The following EYS variants were observed in gnomAD, a reference collection of about 807,000 sequenced individuals.
EYS encodes protein eyes shut homolog.
Under a neutral mutation model 282.1 loss-of-function variants are expected in EYS, and 250 were observed. The ratio of observed to expected loss-of-function variants is 0.89; its 90% CI spans 0.80 to 0.98. EYS has a LOEUF of 0.98. Among genes scored for constraint, EYS ranks in the 50% least tolerant of loss-of-function variants. EYS has a pLI of 0.00. For missense variants in EYS, 4,016 were observed against 3,709.0 expected, an observed-to-expected ratio of 1.08 and a Z score of -2.15; for synonymous variants, 1,355 against 1,282.9, an observed-to-expected ratio of 1.06 and a Z score of -1.20.
At chr6:64,517,770 AT>A (rs570415807) in intron 26 of EYS, among the ~76,000 whole-genome samples, 266 of 152,044 alleles carry the variant, frequency 1.7e-3, no homozygotes, top group African/African-American at 6.2e-3. Flanking sequence ...TCTAGCACAC[AT>A]GTTCTTCTAA....
intron 2 of EYS, among the ~76,000 whole-genome samples, chr6:65,571,757 A>T (rs1367650123): frequency 6.6e-6 from 1 of 152,072 alleles, no homozygotes; most frequent in Non-Finnish European, 1.5e-5. Flanking sequence ...CTATATAGAA[A>T]GCTTTTATAA....
chr6:64,583,422 G>A (rs1554182861), intron 26 of EYS, among the ~76,000 whole-genome samples: 1 of 151,994 alleles, frequency 6.6e-6, no homozygotes, highest in Non-Finnish European at 1.5e-5. Context: ...AAGCAAGCAG[G>A]CAAACAAACA....
chr6:65,575,581 T>C (rs1279092668), intron 2 of EYS, among the ~76,000 whole-genome samples: 1 of 151,622 alleles, frequency 6.6e-6, no homozygotes, highest in Non-Finnish European at 1.5e-5. Flanking sequence ...GCATGAATGA[T>C]ATAATAAAGA....
In EYS at chr6:65,224,195, A is replaced by T. The variant is rs180784694; in HGVS notation, c.2023+71668T>A. Among the ~76,000 whole-genome samples, 367 of 152,350 alleles carry T rather than the reference A, an allele frequency of 2.4e-3. 2 individuals are homozygous for T. The highest frequency in any genetic ancestry group is 4.1e-3 in the Non-Finnish European group (281 of 68,034). ...CCACAGCAGTCTCAAAATATTAAAA[A>T]AATTGAAGTCATACAAACTATCTTT... is the stretch of plus-strand genomic sequence containing the variant. On this transcript the variant is annotated intron_variant, in intron 12 of 42. Transcript: ENST00000503581.
At chr6:63,831,669 T>G (rs1771642540) in intron 36 of EYS, among the ~76,000 whole-genome samples, 1 of 151,972 alleles carries the variant, frequency 6.6e-6, no homozygotes, top group Non-Finnish European at 1.5e-5. Context: ...AGACAGAAAG[T>G]TAACAAGGAT....
chr6:65,237,852 C>T (rs1766965801), intron 12 of EYS, among the ~76,000 whole-genome samples: 1 of 152,046 alleles, frequency 6.6e-6, no homozygotes, highest in African/African-American at 2.4e-5. Flanking sequence ...TGATATCATA[C>T]AGTGTATTTG....
intron 30 of EYS, among the ~76,000 whole-genome samples, chr6:64,266,751 C>T (rs1445636891): frequency 6.6e-6 from 1 of 152,102 alleles, no homozygotes; most frequent in Non-Finnish European, 1.5e-5. Context: ...GAGGAGTCAC[C>T]AGCATTACTC....
chr6:65,092,508 A>G (rs183562333), intron 12 of EYS, among the ~76,000 whole-genome samples: 27 of 152,340 alleles, frequency 1.8e-4, no homozygotes, highest in African/African-American at 6.5e-4. Context: ...TTTTAATAAT[A>G]TAACAATCAT....
rs560309180 is a variant in EYS at position 64,487,540 on chromosome 6, C to A, written c.5645-48188G>T. ...ATTGCTTATGTCCTAACAAAATTATCAGTGAAGTGTCAATATAAATATTTT... is the reference window on the plus strand; with the variant it reads ...ATTGCTTATGTCCTAACAAAATTATAAGTGAAGTGTCAATATAAATATTTT... On this transcript the variant is annotated intron_variant, in intron 26 of 42. Transcript: ENST00000503581. 2.3e-4 allele frequency among the ~76,000 whole-genome samples: 34 copies of A among 150,818 alleles called. 1 individual carries two copies. In the South Asian group the frequency reaches 6.5e-3, roughly 29 times the overall value.
Position 64,590,912 on chromosome 6 carries a change from G to C in EYS, c.4955C>G (p.Ser1652Ter), listed in dbSNP as rs909730457. 4 of 1,550,142 alleles carry C rather than the reference G, an allele frequency of 2.6e-6. No individual in the cohort carries two copies. The highest frequency in any genetic ancestry group is 2.6e-6 in the Non-Finnish European group (3 of 1,146,368). Residue 1652 changes from serine to a stop codon, truncating the protein, a stop_gained, in exon 26 of 43, where the codon TCA (serine) becomes TGA (stop). Coordinates refer to ENST00000503581, the MANE Select transcript of EYS (RefSeq NM_001142800.2). LOFTEE classifies it high-confidence loss of function. ...SSSLEESITL[S>*]SNLDVNLCLD... ...ACATAAATTAACATCCAAATTACTT[G>C]ATAGGGTAATGGATTCTTCCAAGGA...
At chr6:63,899,830 C>T (rs912460686) in intron 35 of EYS, among the ~76,000 whole-genome samples, 1 of 152,112 alleles carries the variant, frequency 6.6e-6, no homozygotes, top group Non-Finnish European at 1.5e-5. Context: ...AGTGTTTTGC[C>T]CCTGCCAGGT....
intron 12 of EYS, among the ~76,000 whole-genome samples, chr6:65,260,467 T>G (rs1480808882): frequency 6.6e-6 from 1 of 152,086 alleles, no homozygotes; most frequent in Non-Finnish European, 1.5e-5. Flanking sequence ...ATCTTATTGT[T>G]TCTATGGTTT....
chr6:63,874,727 GA>G (rs1772919236), intron 35 of EYS, among the ~76,000 whole-genome samples: 1 of 152,130 alleles, frequency 6.6e-6, no homozygotes, highest in African/African-American at 2.4e-5. Flanking sequence ...TATTCTCTTT[GA>G]AGCAATTGTG....
At chr6:63,841,039 C>T (rs11966347) in intron 36 of EYS, among the ~76,000 whole-genome samples, 9 of 152,066 alleles carry the variant, frequency 5.9e-5, no homozygotes, top group African/African-American at 1.9e-4. Context: ...ATTTCTAGTA[C>T]TAAGAAATAT....
At chr6:64,649,344 CT>C (rs11388058) in intron 22 of EYS, among the ~76,000 whole-genome samples, 10 of 149,216 alleles carry the variant, frequency 6.7e-5, no homozygotes, top group Middle Eastern at 3.5e-3. Context: ...CTATAACTGC[CT>C]TTTTTTTTTG....
chr6:64,087,286 G>A (rs1436485290), intron 31 of EYS, among the ~76,000 whole-genome samples: 1 of 152,014 alleles, frequency 6.6e-6, no homozygotes, highest in Non-Finnish European at 1.5e-5. Flanking sequence ...TACTCATCAG[G>A]GAATACAGTG....
chr6:64,841,263 C>A (rs1464581971), intron 19 of EYS, among the ~76,000 whole-genome samples: 1 of 151,922 alleles, frequency 6.6e-6, no homozygotes, highest in Non-Finnish European at 1.5e-5. Flanking sequence ...CATCTATGAA[C>A]CACTTATTAA....
chr6:64,345,412 C>G (rs555433579), intron 29 of EYS, among the ~76,000 whole-genome samples: 32 of 152,234 alleles, frequency 2.1e-4, no homozygotes, highest in Admixed American at 1.2e-3. Context: ...CTACAACTAT[C>G]TGATCTTTGA....
At chr6:65,246,257 G>T (rs1435716875) in intron 12 of EYS, among the ~76,000 whole-genome samples, 1 of 152,036 alleles carries the variant, frequency 6.6e-6, no homozygotes, top group Non-Finnish European at 1.5e-5. Context: ...TTCTCAGTTT[G>T]CAGTTGATGA....
Sources: allele counts gnomAD v4.1 joint callset (sites outside exome capture counted in the v4.1 genomes callset), GRCh38; gene constraint gnomAD v4.1.1; transcripts MANE v1.5; gene names NCBI Gene and HGNC (gene_info 2026-07-23, HGNC 2026-07-21).